Variants in MEF2A observed in about 807,000 individuals in gnomAD.
MEF2A encodes the protein myocyte-specific enhancer factor 2A.
A neutral mutation model predicts 55.8 loss-of-function variants in MEF2A; 28 were observed. The ratio of observed to expected loss-of-function variants is 0.50; its 90% CI spans 0.37 to 0.69. The LOEUF is 0.69. Among genes scored for constraint, MEF2A ranks in the 30% least tolerant of loss-of-function variants. The pLI, the probability that MEF2A is intolerant of heterozygous loss-of-function variation, is 0.00. For missense variants in MEF2A, 528 were observed against 626.2 expected (o/e 0.84, Z 1.67); for synonymous variants, 239 against 227.1 (o/e 1.05, Z -0.47).
rs766830478 is a variant in MEF2A, at chr15:99,675,435, A to G, written c.647A>G (p.Asn216Ser). The G allele has an allele frequency of 1.4e-4, 229 of 1,613,850 alleles. No individual in the cohort carries two copies. Among genetic ancestry groups the G allele is most frequent in the Non-Finnish European group, 1.8e-4 (215 of 1,179,860 alleles). Residue 216 changes from asparagine to serine, a missense_variant, in exon 7 of 12, where the codon AAT (asparagine) becomes AGT (serine). Physicochemically the swap from Asn to Ser is conservative, Grantham distance 46. Coordinates refer to ENST00000557942, the MANE Select transcript of MEF2A (RefSeq NM_001319206.4). Reference protein sequence around the residue: ...MLSTTDLTVPNGAGSSPVGNG... With the variant: ...MLSTTDLTVPSGAGSSPVGNG... ...AGCACTACAGACCTCACAGTGCCAA[A>G]TGGAGCTGGAAGCAGTCCAGTGGGT...
upstream of MEF2A, chr15:99,565,496 C>G (rs1959164376): frequency 6.7e-6 from 1 of 148,588 alleles, no homozygotes; most frequent in South Asian, 2.3e-4. Context: ...GGCGGCTGAG[C>G]GGCGGAGCGG....
At chr15:99,654,759 CATAT>C (rs1403691299) in intron 4 of MEF2A, among the ~76,000 whole-genome samples, 1 of 152,072 alleles carries the variant, frequency 6.6e-6, no homozygotes, top group African/African-American at 2.4e-5. Flanking sequence ...AACACAGCAT[CATAT>C]AAAGCAGCAC....
At chr15:99,605,325 A>T (rs769896086) in intron 2 of MEF2A, among the ~76,000 whole-genome samples, 1 of 152,202 alleles carries the variant, frequency 6.6e-6, no homozygotes, top group Non-Finnish European at 1.5e-5. Flanking sequence ...TTAAGGACAA[A>T]TGATTACCAA....
chr15:99,647,172 A>G (rs1596768437), intron 4 of MEF2A, among the ~76,000 whole-genome samples: 2 of 151,948 alleles, frequency 1.3e-5, no homozygotes, highest in South Asian at 4.2e-4. Flanking sequence ...CCTTTCCCCT[A>G]TTACATGTCA....
intron 4 of MEF2A, among the ~76,000 whole-genome samples, chr15:99,652,247 C>G (rs1209034951): frequency 6.6e-6 from 1 of 152,120 alleles, no homozygotes; most frequent in East Asian, 1.9e-4. Context: ...AATTGTTCCA[C>G]CTCAGATCAT....
At chr15:99,666,741 T>C (rs1166998571) in intron 4 of MEF2A, among the ~76,000 whole-genome samples, 1 of 152,002 alleles carries the variant, frequency 6.6e-6, no homozygotes, top group Non-Finnish European at 1.5e-5. Context: ...AACACAGAAA[T>C]AGTGTGGATA....
At chr15:99,575,149 CCTAATAAGGG>C (rs763966096) in intron 1 of MEF2A, among the ~76,000 whole-genome samples, 1 of 152,040 alleles carries the variant, frequency 6.6e-6, no homozygotes, top group Non-Finnish European at 1.5e-5. Flanking sequence ...ACTGATATCT[CCTAATAAGGG>C]CATATTCTTA....
intron 1 of MEF2A, among the ~76,000 whole-genome samples, chr15:99,592,288 CT>C (rs988333113): frequency 5.9e-5 from 9 of 151,408 alleles, no homozygotes; most frequent in Admixed American, 5.3e-4. Context: ...TCTTTGGGAA[CT>C]TTTTTTTTAT....
chr15:99,671,125 C>G (rs553129095), intron 4 of MEF2A, among the ~76,000 whole-genome samples, 198 bp from the exon 5 acceptor site: 5 of 152,286 alleles, frequency 3.3e-5, no homozygotes, highest in African/African-American at 9.6e-5. Context: ...TCTTAACATA[C>G]AATGGGAGAA....
chr15:99,638,457 T>G (rs1242733456), intron 3 of MEF2A, among the ~76,000 whole-genome samples: 1 of 152,144 alleles, frequency 6.6e-6, no homozygotes, highest in South Asian at 2.1e-4. Context: ...ACATTTCTTA[T>G]GTATTTTGTC....
intron 2 of MEF2A, among the ~76,000 whole-genome samples, chr15:99,623,784 G>A (rs1318518624): frequency 6.7e-6 from 1 of 148,992 alleles, no homozygotes; most frequent in Non-Finnish European, 1.5e-5. Flanking sequence ...TATTAATCTT[G>A]TATCAAATAT....
chr15:99,589,237 A>G (rs1968448797), intron 1 of MEF2A, among the ~76,000 whole-genome samples: 1 of 152,214 alleles, frequency 6.6e-6, no homozygotes, highest in Non-Finnish European at 1.5e-5. Flanking sequence ...AGTTTATTCG[A>G]TACAGAATTA....
chr15:99,664,852 A>G (rs975077777), intron 4 of MEF2A, among the ~76,000 whole-genome samples: 1 of 152,226 alleles, frequency 6.6e-6, no homozygotes, highest in African/African-American at 2.4e-5. Flanking sequence ...TTAGATTTGG[A>G]TGAAGGCATA....
chr15:99,669,055 C>A (rs2050353961), intron 4 of MEF2A, among the ~76,000 whole-genome samples: 1 of 152,174 alleles, frequency 6.6e-6, no homozygotes, highest in African/African-American at 2.4e-5. Flanking sequence ...CTCATAAATA[C>A]AAGTAGAGTT....
intron 9 of MEF2A, among the ~76,000 whole-genome samples, chr15:99,705,051 A>G (rs944000868): frequency 6.6e-6 from 1 of 152,252 alleles, no homozygotes; most frequent in Non-Finnish European, 1.5e-5. Flanking sequence ...ACCAAAATAT[A>G]ATCAGAAGCA....
intron 6 of MEF2A, among the ~76,000 whole-genome samples, chr15:99,675,101 C>T (rs2051692365): frequency 6.6e-6 from 1 of 152,144 alleles, no homozygotes; most frequent in South Asian, 2.1e-4. Flanking sequence ...GTGATTTAAT[C>T]ATACTCCTTA....
intron 1 of MEF2A, among the ~76,000 whole-genome samples, chr15:99,583,392 A>T (rs2152880635): frequency 6.6e-6 from 1 of 152,260 alleles, no homozygotes; most frequent in Non-Finnish European, 1.5e-5. Context: ...TGTTTGATAG[A>T]CTTCGACACT....
chr15:99,631,666 C>T (rs2042964763), intron 2 of MEF2A, among the ~76,000 whole-genome samples: 1 of 150,252 alleles, frequency 6.7e-6, no homozygotes. Flanking sequence ...TTTTTCTGAC[C>T]ATGTTATCCT....
rs181140400 is a variant in MEF2A at position 99,686,586 on chromosome 15, G to C, written c.671-3655G>C. ...TTGTAGGGTTTCTGGAGAGAAATCT[G>C]CTGTTAATCTGTTAAGTTTTCCTTT... On this transcript the variant is annotated intron_variant, in intron 7 of 11. Transcript: ENST00000557942. 2.2e-3 allele frequency among the ~76,000 whole-genome samples: 339 copies of C among 152,282 alleles called. 2 individuals carry two copies. Among genetic ancestry groups the C allele is most frequent in the African/African-American group, 7.9e-3 (329 of 41,566 alleles).
Sources: allele counts gnomAD v4.1 joint callset (sites outside exome capture counted in the v4.1 genomes callset), GRCh38; gene constraint gnomAD v4.1.1; transcripts MANE v1.5; gene names NCBI Gene and HGNC (gene_info 2026-07-23, HGNC 2026-07-21).